CTTNBP2: variants seen among roughly 807,000 people sequenced by gnomAD.
CTTNBP2 encodes the protein cortactin-binding protein 2.
A neutral mutation model predicts 156.9 loss-of-function variants in CTTNBP2; 108 were observed. The ratio of observed to expected loss-of-function variants is 0.69; its 90% CI spans 0.59 to 0.81. The LOEUF is 0.81. CTTNBP2 is among the 30% of genes least tolerant of loss of function. The probability of loss-of-function intolerance (pLI) is 0.00; values close to 1 mark genes in which losing one functional copy is unlikely to be tolerated. For synonymous variants in CTTNBP2, 767 were observed against 751.8 expected, an observed-to-expected ratio of 1.02 and a Z score of -0.33; for missense variants, 1,924 against 2,035.4, an observed-to-expected ratio of 0.95 and a Z score of 1.05.
rs763839542 is a variant in CTTNBP2 at position 117,792,771 on chromosome 7, T to C, written c.425A>G (p.Glu142Gly). Residue 142 changes from glutamate to glycine, a missense_variant, in exon 4 of 23, where the codon GAG becomes GGG. Transcript: ENST00000160373. This position sits in a 1 kb window ranked among gnomAD's most constrained non-coding sequence, Gnocchi z 4.2. The stretch of plus-strand genomic sequence containing the variant: ...CTCAAGGGCTTGTAGCTGAAGCTTC[T>C]CCATTTCCAGCTGAAAGAAATTCAC... ...AESRQKKLEM[E>G]KLQLQALEQE... 19 of 1,541,992 alleles carry C rather than the reference T, an allele frequency of 1.2e-5. No homozygotes were observed. Among genetic ancestry groups the C allele is most frequent in the Non-Finnish European group, 1.6e-5 (18 of 1,147,370 alleles).
At chr7:117,786,773 TTAAATA>T (rs1417352405) in intron 4 of CTTNBP2, among the ~76,000 whole-genome samples, 1 of 152,232 alleles carries the variant, frequency 6.6e-6, no homozygotes, top group African/African-American at 2.4e-5. Context: ...AGGAGACAGT[TTAAATA>T]TATTTTTCAA....
intron 2 of CTTNBP2, among the ~76,000 whole-genome samples, chr7:117,856,786 T>C (rs540994753): frequency 2.0e-4 from 30 of 152,310 alleles, no homozygotes; most frequent in African/African-American, 7.0e-4. Flanking sequence ...ATGCTAATGA[T>C]GGCAGGCTGG....
At chr7:117,859,292 G>A (rs1017358483) in intron 2 of CTTNBP2, among the ~76,000 whole-genome samples, 4 of 152,046 alleles carry the variant, frequency 2.6e-5, no homozygotes, top group African/African-American at 9.7e-5. Flanking sequence ...ATGTTCATTC[G>A]GCAAGTGCTG....
chr7:117,749,902 G>A (rs1392826944), intron 12 of CTTNBP2, among the ~76,000 whole-genome samples: 1 of 152,090 alleles, frequency 6.6e-6, no homozygotes, highest in Non-Finnish European at 1.5e-5. Flanking sequence ...GTTTTCAAAA[G>A]TACTTCAGTG....
At chr7:117,868,015 C>T (rs895148825) in intron 1 of CTTNBP2, among the ~76,000 whole-genome samples, 10 of 152,172 alleles carry the variant, frequency 6.6e-5, no homozygotes, top group African/African-American at 2.4e-4. Flanking sequence ...TAATTAAGCT[C>T]AGCTACCTCC....
intron 2 of CTTNBP2, among the ~76,000 whole-genome samples, chr7:117,835,887 GT>G (rs1801906226): frequency 6.6e-6 from 1 of 152,126 alleles, no homozygotes; most frequent in Non-Finnish European, 1.5e-5. Context: ...CTAAGCCTCA[GT>G]TTCTCATGTG....
In CTTNBP2 at chr7:117,825,145, T is replaced by TGA. The variant is rs373910410; in HGVS notation, c.190-14158_190-14157dup. On this transcript the variant is annotated intron_variant, in intron 2 of 22. Coordinates refer to ENST00000160373, the MANE Select transcript of CTTNBP2 (RefSeq NM_033427.3). ...CATTTCATTGCTCCTTTCATTTGAG[T>TGA]GAGAGAGAGTAAAGGCCAATGGCAG... 9.7e-4 allele frequency among the ~76,000 whole-genome samples: 147 copies of TGA among 152,238 alleles called. 1 individual carries two copies. Among genetic ancestry groups the TGA allele is most frequent in the African/African-American group, 3.3e-3 (139 of 41,540 alleles).
At position 117,791,504 on chromosome 7, in the gene CTTNBP2, C is replaced by A. The variant is rs763680041; in HGVS notation, c.1692G>T (p.Lys564Asn). ...AGGCCCTGCTGCTGTCTATAATAAC[C>A]TTGAGTTGGGGGTGTGGTGGAGAAG... The part of the protein sequence containing the change: ...QTPSPPHPQL[K>N]VIIDSSRASN... The change falls in exon 4 of 23, where the codon AAG (lysine) becomes AAT (asparagine). Residue 564 changes from lysine to asparagine, a missense_variant. Lys to Asn is a moderately conservative substitution (Grantham distance 94). Transcript: ENST00000160373. The A allele has an allele frequency of 6.2e-7, 1 of 1,614,142 alleles. No homozygotes were observed.
chr7:117,789,705 C>T (rs1798887255), intron 4 of CTTNBP2, among the ~76,000 whole-genome samples: 1 of 152,036 alleles, frequency 6.6e-6, no homozygotes, highest in Non-Finnish European at 1.5e-5. Context: ...GTAATATCAC[C>T]TCTATTTATT....
intron 3 of CTTNBP2, among the ~76,000 whole-genome samples, chr7:117,794,082 G>T (rs1031279710): frequency 6.6e-6 from 1 of 152,170 alleles, no homozygotes; most frequent in Admixed American, 6.5e-5. Flanking sequence ...GGCACACAGT[G>T]GTGCTTAATA....
rs1479405619 is a variant in CTTNBP2 at position 117,724,613 on chromosome 7, T to C, written c.4381A>G (p.Ser1461Gly). ...ESGAWRKVNT[S>G]PRRKSGRFSL... ...AAGCGGCCAGACTTCCTGCGAGGAC[T>C]GGTGTTCACCTTTCTCCAGGCACCA... is the stretch of plus-strand genomic sequence containing the variant. The change falls in exon 19 of 23, where the codon AGT becomes GGT. Residue 1461 changes from serine (S) to glycine (G), a missense_variant. Coordinates refer to ENST00000160373, the MANE Select transcript of CTTNBP2 (RefSeq NM_033427.3). 3.1e-6 allele frequency: 5 copies of C among 1,614,058 alleles called. No individual in the cohort carries two copies. The highest frequency in any genetic ancestry group is 1.3e-5 in the African/African-American group (1 of 74,936).
At chr7:117,790,786 C>A (rs1399723610) in intron 4 of CTTNBP2, among the ~76,000 whole-genome samples, 2 of 151,994 alleles carry the variant, frequency 1.3e-5, no homozygotes, top group African/African-American at 2.4e-5. Flanking sequence ...TGAGGTCTTG[C>A]GAGATAAATA....
At position 117,780,563 on chromosome 7, in the gene CTTNBP2, C is replaced by T. The variant is rs376830379; in HGVS notation, c.2401G>A (p.Ala801Thr). The T allele has an allele frequency of 1.9e-6, 3 of 1,588,796 alleles. No homozygotes were observed. The highest frequency in any genetic ancestry group is 1.7e-6 in the Non-Finnish European group (2 of 1,167,742). ...ECVELLISYD[A>T]NINHAADGGQ... ...CCATCAGCAGCATGATTAATGTTAG[C>T]ATCATATGAAATTAATAATTCTACA... Residue 801 changes from alanine to threonine, a missense_variant, in exon 7 of 23, where the codon GCT (alanine) becomes ACT (threonine). By Grantham distance (58) the Ala-to-Thr change is moderately conservative (BLOSUM62 0). Coordinates refer to ENST00000160373, the MANE Select transcript of CTTNBP2 (RefSeq NM_033427.3).
At chr7:117,826,998 G>A (rs1296920906) in intron 2 of CTTNBP2, among the ~76,000 whole-genome samples, 1 of 151,882 alleles carries the variant, frequency 6.6e-6, no homozygotes, top group African/African-American at 2.4e-5. Context: ...AACTGGGATT[G>A]CAGGAGCATG....
At chr7:117,718,259 ATGAAAGAAAGACTTCAAG>A (rs1251341688) in intron 21 of CTTNBP2, 140 bp from the exon 22 acceptor site, 3 of 468,602 alleles carry the variant, frequency 6.4e-6, no homozygotes, top group African/African-American at 6.0e-5. Context: ...AACTGTTCAC[ATGAAAGAAAGACTTCAAG>A]TCTTAATGTA....
At chr7:117,796,841 T>G (rs577106994) in intron 3 of CTTNBP2, among the ~76,000 whole-genome samples, 74 of 152,332 alleles carry the variant, frequency 4.9e-4, no homozygotes, top group African/African-American at 1.8e-3. Flanking sequence ...TTAGCAATTA[T>G]GAAATATATC....
In CTTNBP2 at chr7:117,861,064, G is replaced by A. The variant is rs920672533; in HGVS notation, c.189+145C>T. 8.1e-6 allele frequency: 5 copies of A among 617,658 alleles called. No homozygotes were observed. In the South Asian group the frequency reaches 1.0e-4, roughly 13 times the overall value. The allele number at this position is 617,658 out of a possible 1,614,324, so 38.3% of individuals were successfully genotyped here. A position where few individuals can be genotyped will look rare whatever the true frequency, so the allele number is the denominator to read the frequency against. On this transcript the variant is annotated intron_variant, in intron 2 of 22. Transcript: ENST00000160373. ...TTGGGCTTATAAAAGTTATGGGTTA[G>A]TGTTTGGGGTGAAGAGCACATTTTG...
intron 16 of CTTNBP2, among the ~76,000 whole-genome samples, chr7:117,731,330 A>G (rs1045598289): frequency 5.3e-5 from 8 of 152,256 alleles, no homozygotes; most frequent in African/African-American, 1.9e-4. Context: ...AAAGCCGGGC[A>G]TTTGGATGTA....
rs1414691928 is a variant in CTTNBP2, at chr7:117,782,845, A to G, written c.2372+17T>C. The G allele has an allele frequency of 6.3e-7, 1 of 1,588,246 alleles. No homozygotes were observed. Among genetic ancestry groups the G allele is most frequent in the Non-Finnish European group, 8.6e-7 (1 of 1,161,912 alleles). On this transcript the variant is annotated intron_variant, in intron 6 of 22. Coordinates refer to ENST00000160373, the MANE Select transcript of CTTNBP2 (RefSeq NM_033427.3). ...GCTCCTTTGATGGTGGGAAAAAAAG[A>G]ATTAAGAGCAACTTACTCGAAATGT...
Sources: allele counts gnomAD v4.1 joint callset (sites outside exome capture counted in the v4.1 genomes callset), GRCh38; gene constraint gnomAD v4.1.1; non-coding constraint Gnocchi (gnomAD v3.1); transcripts MANE v1.5; gene names NCBI Gene and HGNC (gene_info 2026-07-23, HGNC 2026-07-21).